Variants in TTN observed in about 807,000 individuals in gnomAD.
The protein encoded by TTN is titin, also known as connectin.
In TTN, 1,525 loss-of-function variants were observed where a neutral mutation model predicts 3,223.0. The observed-to-expected ratio is 0.47, with a 90% CI of 0.45 to 0.49. The LOEUF (loss-of-function observed/expected upper bound fraction) is 0.49, where lower values mean the gene tolerates loss of function less well. Among genes scored for constraint, TTN ranks in the 20% least tolerant of loss-of-function variants. The pLI is 0.00. For synonymous variants in TTN, 14,094 were observed against 15,161.0 expected, an observed-to-expected ratio of 0.93 and a Z score of 5.17; for missense variants, 40,786 against 43,424.0, an observed-to-expected ratio of 0.94 and a Z score of 5.40.
At chr2:178,667,401 G>T (rs1041235713) in intron 161 of TTN, 41 bp downstream of exon 161, 1 of 1,578,180 alleles carries the variant, frequency 6.3e-7, no homozygotes, top group Non-Finnish European at 8.6e-7. Flanking sequence ...GAGTCATAAA[G>T]CTAAAGATAC....
intron 308 of TTN, 97 bp downstream of exon 308, chr2:178,586,408 T>C: frequency 6.9e-7 from 1 of 1,455,106 alleles, no homozygotes; most frequent in South Asian, 1.3e-5. Flanking sequence ...TTTCAAGAAT[T>C]TCTAGAGCTA....
At position 178,650,170 on chromosome 2, in the gene TTN, G is replaced by A; in HGVS notation, c.39811C>T (p.Pro13271Ser). ...AGTGGATTCTGCTTTGTACCTGCTG[G>A]AGGTGGAACCTCTGGTTCCTCCTCT... ...AEEEEPEVPP[P>S]AVPEEPKKII... Residue 13271 changes from proline (P) to serine (S), a missense_variant, in exon 210 of 363, where the codon CCA (proline) becomes TCA (serine). Coordinates refer to ENST00000589042, the MANE Select transcript of TTN (RefSeq NM_001267550.2). 2 of 1,579,738 alleles carry A rather than the reference G, an allele frequency of 1.3e-6. No homozygotes were observed. Among genetic ancestry groups the A allele is most frequent in the Non-Finnish European group, 1.7e-6 (2 of 1,161,230 alleles).
rs750622009 is a variant in TTN at position 178,734,555 on chromosome 2, G to T, written c.15269C>A (p.Thr5090Lys). 1.2e-6 allele frequency: 2 copies of T among 1,603,976 alleles called. No individual in the cohort carries two copies. The highest frequency in any genetic ancestry group is 2.2e-5 in the East Asian group (1 of 44,756). The change falls in exon 52 of 363, where the codon ACA (threonine) becomes AAA (lysine). Residue 5090 changes from threonine (T) to lysine (K), a missense_variant. Coordinates refer to ENST00000589042, the MANE Select transcript of TTN (RefSeq NM_001267550.2). ...GACTTCACACTGAAGTAGAGCATTT[G>T]TTCCTCTCACTATGTCTGCAGGCTC... ...TLEPADIVRG[T>K]NALLQCEVSG...
chr2:178,785,551 T>G, intron 15 of TTN, 69 bp downstream of exon 15: 1 of 1,607,246 alleles, frequency 6.2e-7, no homozygotes, highest in Non-Finnish European at 8.5e-7. Context: ...ACCCCAGAGA[T>G]GCTCTGTTTC....
chr2:178,801,399 G>A (rs184860738), intron 3 of TTN, among the ~76,000 whole-genome samples: 1 of 152,070 alleles, frequency 6.6e-6, no homozygotes, highest in Non-Finnish European at 1.5e-5. Flanking sequence ...GAATTTTCTG[G>A]GTGCATGCTA....
rs1175803570 is a variant in TTN, at chr2:178,777,750, T to G, written c.4434A>C (p.Leu1478Phe). The change falls in exon 25 of 363, where the codon TTA (leucine) becomes TTC (phenylalanine). Residue 1478 changes from leucine (L) to phenylalanine (F), a missense_variant. By Grantham distance (22) the Leu-to-Phe change is conservative (BLOSUM62 0). Coordinates refer to ENST00000589042, the MANE Select transcript of TTN (RefSeq NM_001267550.2). ...CTGGCATAGGTCTACCAACAACCTT[T>G]AAGTCAAATCTGGCAGTTTGCCCTT... The part of the protein sequence containing the change: ...CLEGQTARFD[L>F]KVVGRPMPET... The G allele has an allele frequency of 1.2e-6, 2 of 1,614,122 alleles. No individual in the cohort carries two copies. The highest frequency in any genetic ancestry group is 1.7e-6 in the Non-Finnish European group (2 of 1,179,980).
chr2:178,785,492 G>T, intron 15 of TTN, 128 bp downstream of exon 15: 2 of 1,377,286 alleles, frequency 1.5e-6, no homozygotes, highest in Non-Finnish European at 2.0e-6. Flanking sequence ...CACTGTGAAT[G>T]CAAACACACG....
At chr2:178,751,521 C>A (rs768837501) in intron 47 of TTN, 2 of 1,613,402 alleles carry the variant, frequency 1.2e-6, no homozygotes, top group South Asian at 2.2e-5. Context: ...CTATCTTCTC[C>A]CCTTTCAACT....
At chr2:178,792,933 A>G (rs1205538015) in intron 9 of TTN, among the ~76,000 whole-genome samples, 2 of 152,230 alleles carry the variant, frequency 1.3e-5, no homozygotes, top group Non-Finnish European at 2.9e-5. Context: ...TTTTCTGGTC[A>G]TTTGGCTTGT....
In TTN at chr2:178,572,803, G is replaced by A. The variant is rs1180588743; in HGVS notation, c.73329C>T (p.Cys24443=). The change falls in exon 326 of 363, where the codon TGC becomes TGT. Residue 24443 remains cysteine (C), a synonymous_variant. Transcript: ENST00000589042. ...TGGGAACAAAAAGTCTCAGGGTGCA[G>A]CAGGCCCTTATAGTAACAACTTTGC... ...DLRKVVTIRA[C]CTLRLFVPIK... is the part of the protein sequence containing the mutation. 6.2e-7 allele frequency: 1 copy of A among 1,613,442 alleles called. No homozygotes were observed.
chr2:178,758,160 T>G (rs1410064400), intron 44 of TTN, among the ~76,000 whole-genome samples: 1 of 152,208 alleles, frequency 6.6e-6, no homozygotes, highest in Non-Finnish European at 1.5e-5. Context: ...AAGGCAATAG[T>G]GGAGTACCCA....
At chr2:178,770,801 A>G (rs369059391) in intron 34 of TTN, 126 bp from the exon 35 acceptor site, 11 of 1,218,466 alleles carry the variant, frequency 9.0e-6, no homozygotes, top group Non-Finnish European at 1.3e-5. Context: ...ACAGTTATGC[A>G]GCACCTCTGT....
chr2:178,632,004 C>G, intron 236 of TTN, 143 bp downstream of exon 236: 6 of 837,380 alleles, frequency 7.2e-6, no homozygotes, highest in Non-Finnish European at 1.0e-5. Flanking sequence ...TAGAAATAAG[C>G]CTGATTACAT....
rs1422316180 is a variant in TTN, at chr2:178,577,350, C to T, written c.68985G>A (p.Gln22995=). The change falls in exon 324 of 363, where the codon CAG becomes CAA. Residue 22995 remains glutamine, a synonymous_variant. Transcript: ENST00000589042. ...TGGAAGATGTTGGGGTTGAAGTTAT[C>T]TGAGTGATATCTGATGGTCTAATGT... The part of the protein sequence containing the change: ...GKDIRPSDIT[Q]ITSTPTSSML... 3 of 1,612,560 alleles carry T rather than the reference C, an allele frequency of 1.9e-6. No homozygotes were observed. The South Asian group carries it at 3.3e-5, about 18-fold the overall frequency.
At chr2:178,680,195 T>C in intron 139 of TTN, 59 bp downstream of exon 139, 1 of 1,597,570 alleles carries the variant, frequency 6.3e-7, no homozygotes, top group East Asian at 2.2e-5. Flanking sequence ...CACACAGAAC[T>C]GAAGAGGAAT....
Position 178,617,222 on chromosome 2 carries a change from C to T in TTN, c.47773G>A (p.Glu15925Lys). 1 of 1,549,046 alleles carries T rather than the reference C, an allele frequency of 6.5e-7. No individual in the cohort carries two copies. The highest frequency in any genetic ancestry group is 8.7e-7 in the Non-Finnish European group (1 of 1,148,958). Residue 15925 changes from glutamate to lysine, a missense_variant, in exon 255 of 363, where the codon GAA (glutamate) becomes AAA (lysine). Glu to Lys is a moderately conservative substitution (Grantham distance 56). Coordinates refer to ENST00000589042, the MANE Select transcript of TTN (RefSeq NM_001267550.2). ...CTATATAAATATTTATTTCCTTTTT[C>T]CAATCCGGTAACCTACGATTATGAA... ...PELTYKVTGL[E>K]KGNKYLYRVS...
In TTN at chr2:178,528,116, G is replaced by A. The variant is rs188548867; in HGVS notation, c.107377+158C>T. ...ATCCAAGTTTCTGTGTAGCTATAAA[G>A]AAAGTTTGACTACAAGAATGAATTC... is the stretch of plus-strand genomic sequence containing the variant. On this transcript the variant is annotated intron_variant, in intron 361 of 362. Coordinates refer to ENST00000589042, the MANE Select transcript of TTN (RefSeq NM_001267550.2). 160 of 826,146 alleles carry A rather than the reference G, an allele frequency of 1.9e-4. No homozygotes were observed. In the African/African-American group the frequency reaches 2.5e-3, roughly 13 times the overall value. The allele number at this position is 826,146 out of a possible 1,614,324, so 51.2% of individuals were successfully genotyped here.
rs767771567 is a variant in TTN at position 178,547,869 on chromosome 2, C to T, written c.93757G>A (p.Glu31253Lys). Residue 31253 changes from glutamate to lysine, a missense_variant, in exon 339 of 363, where the codon GAA becomes AAA. Coordinates refer to ENST00000589042, the MANE Select transcript of TTN (RefSeq NM_001267550.2). ...PAPKVTWKLE[E>K]MRLKETDRVS... ...CGATCTGTCTCTTTAAGTCTCATTT[C>T]TTCCAGTTTCCATGTTACTTTGGGG... 2 of 1,613,868 alleles carry T rather than the reference C, an allele frequency of 1.2e-6. No homozygotes were observed. The highest frequency in any genetic ancestry group is 1.7e-6 in the Non-Finnish European group (2 of 1,179,838).
Position 178,647,478 on chromosome 2 carries a change from AT to A in TTN, c.40058-15del, listed in dbSNP as rs1333487419. On this transcript the variant is annotated splice_polypyrimidine_tract_variant and intron_variant, in intron 213 of 362. Coordinates refer to ENST00000589042, the MANE Select transcript of TTN (RefSeq NM_001267550.2). ...GCACTTTGGGCACTTTAAAGATATG[AT>A]TTTGTTTACTATTAAGAATTTAGAA... 1.9e-6 allele frequency: 3 copies of A among 1,548,908 alleles called. No homozygotes were observed. The Admixed American group carries it at 5.9e-5, about 30-fold the overall frequency.
Sources: allele counts gnomAD v4.1 joint callset (sites outside exome capture counted in the v4.1 genomes callset), GRCh38; gene constraint gnomAD v4.1.1; transcripts MANE v1.5; gene names NCBI Gene and HGNC (gene_info 2026-07-23, HGNC 2026-07-21).